Variants in SCAPER observed in about 807,000 individuals in gnomAD.
SCAPER encodes S-phase cyclin A associated protein in the ER.
A neutral mutation model predicts 182.2 loss-of-function variants in SCAPER; 98 were observed. The ratio of observed to expected loss-of-function variants is 0.54; its 90% CI spans 0.46 to 0.64. The LOEUF is 0.64. Among genes scored for constraint, SCAPER ranks in the 30% least tolerant of loss-of-function variants. SCAPER has a pLI of 0.00. For synonymous variants in SCAPER, 605 were observed against 564.6 expected, an observed-to-expected ratio of 1.07 and a Z score of -1.01; for missense variants, 1,432 against 1,690.0, an observed-to-expected ratio of 0.85 and a Z score of 2.68.
At position 76,478,144 on chromosome 15, in the gene SCAPER, C is replaced by T. The variant is rs8028566; in HGVS notation, c.2955-6809G>A. Among the ~76,000 whole-genome samples the T allele has an allele frequency of 8.2e-3, 1,240 of 151,848 alleles. 11 individuals carry two copies. Among genetic ancestry groups the T allele is most frequent in the African/African-American group, 0.028 (1,176 of 41,492 alleles). On this transcript the variant is annotated intron_variant, in intron 24 of 31. Coordinates refer to ENST00000563290, the MANE Select transcript of SCAPER (RefSeq NM_020843.4). ...ATTCACAATATAAACTTGATTTAGGCATAAGGGAAAAAGACATTTACTTTC... is the reference window on the plus strand; with the variant it reads ...ATTCACAATATAAACTTGATTTAGGTATAAGGGAAAAAGACATTTACTTTC...
chr15:76,541,603 C>G (rs1446158516), intron 23 of SCAPER, among the ~76,000 whole-genome samples: 1 of 152,192 alleles, frequency 6.6e-6, no homozygotes, highest in Non-Finnish European at 1.5e-5. Context: ...CTGCCCACTT[C>G]TATAAATGAC....
chr15:76,795,199 T>C (rs1041281333), intron 8 of SCAPER, 81 bp downstream of exon 8: 21 of 1,241,046 alleles, frequency 1.7e-5, no homozygotes, highest in South Asian at 6.8e-5. Flanking sequence ...AAAAGATAAA[T>C]AGGACCAATT....
intron 8 of SCAPER, among the ~76,000 whole-genome samples, chr15:76,780,378 C>T (rs1294098985): frequency 1.3e-5 from 2 of 152,246 alleles, no homozygotes; most frequent in Non-Finnish European, 2.9e-5. Context: ...GGCCGGGAAG[C>T]TCGAACCAGG....
Position 76,700,117 on chromosome 15 carries a change from A to G in SCAPER, c.2508+1641T>C, listed in dbSNP as rs114700441. On this transcript the variant is annotated intron_variant, in intron 20 of 31. Transcript: ENST00000563290. ...GCACTGCAAGAAGGCATGGCCAGGC[A>G]AGGACCCTGAGAGATGCCATCAGAC... Among the ~76,000 whole-genome samples the G allele has an allele frequency of 8.2e-3, 1,242 of 152,312 alleles. 13 individuals carry two copies. Among genetic ancestry groups the G allele is most frequent in the African/African-American group, 0.028 (1,178 of 41,564 alleles).
rs536787465 is a variant in SCAPER, at chr15:76,731,125, G to A, written c.2022+2104C>T. ...TCTAAATATCTGTTTAATAAATGAA[G>A]CATGACTTTATAAAATAATATACAC... On this transcript the variant is annotated intron_variant, in intron 16 of 31. Coordinates refer to ENST00000563290, the MANE Select transcript of SCAPER (RefSeq NM_020843.4). Among the ~76,000 whole-genome samples the A allele has an allele frequency of 2.6e-5, 4 of 152,228 alleles. No homozygotes were observed. In the South Asian group the frequency reaches 6.2e-4, roughly 24 times the overall value.
chr15:76,572,940 C>CACATACAT (rs2047552325), intron 23 of SCAPER, among the ~76,000 whole-genome samples: 1 of 151,496 alleles, frequency 6.6e-6, no homozygotes, highest in Admixed American at 6.6e-5. Context: ...CACACACACA[C>CACATACAT]ACACAGAGAA....
At chr15:76,428,185 A>G (rs1190036990) in intron 26 of SCAPER, among the ~76,000 whole-genome samples, 1 of 152,204 alleles carries the variant, frequency 6.6e-6, no homozygotes, top group East Asian at 1.9e-4. Flanking sequence ...GGGATTGTAA[A>G]CTAGTATAGC....
rs574207423 is a variant in SCAPER at position 76,589,059 on chromosome 15, G to C, written c.2712-14775C>G. Among the ~76,000 whole-genome samples the C allele has an allele frequency of 1.2e-4, 19 of 152,194 alleles. No individual in the cohort carries two copies. In the East Asian group the frequency reaches 3.1e-3, roughly 25 times the overall value. The stretch of plus-strand genomic sequence containing the variant: ...CTACCAGGCTCCAGGCTGGTACTGG[G>C]GGGTATCTGCACAGATATCTCTAAT... On this transcript the variant is annotated intron_variant, in intron 22 of 31. Transcript: ENST00000563290.
At chr15:76,666,588 CTTTAAA>C (rs1428812335) in intron 20 of SCAPER, among the ~76,000 whole-genome samples, 2 of 152,162 alleles carry the variant, frequency 1.3e-5, no homozygotes, top group Non-Finnish European at 2.9e-5. Flanking sequence ...TAATTACAAA[CTTTAAA>C]TTTATGAAAT....
chr15:76,415,323 T>G (rs1279403842), intron 26 of SCAPER, among the ~76,000 whole-genome samples: 1 of 152,202 alleles, frequency 6.6e-6, no homozygotes, highest in Non-Finnish European at 1.5e-5. Flanking sequence ...TGATAAAAGT[T>G]GAACATGCAT....
intron 4 of SCAPER, among the ~76,000 whole-genome samples, chr15:76,844,340 C>T (rs2069815534): frequency 6.6e-6 from 1 of 150,598 alleles, no homozygotes. Flanking sequence ...ACTCATCCCT[C>T]TCTGAGAGGC....
At position 76,519,281 on chromosome 15, in the gene SCAPER, G is replaced by T. The variant is rs543292370; in HGVS notation, c.2839-14307C>A. Among the ~76,000 whole-genome samples, 14 of 152,138 alleles carry T rather than the reference G, an allele frequency of 9.2e-5. No individual in the cohort carries two copies. In the South Asian group the frequency reaches 2.9e-3, roughly 32 times the overall value. The stretch of plus-strand genomic sequence containing the variant: ...TTATATCCTCACTACACAGGCAAGT[G>T]ATCATATAGAAAATAAATGTAAAGA... On this transcript the variant is annotated intron_variant, in intron 23 of 31. Transcript: ENST00000563290.
Position 76,361,052 on chromosome 15 carries a change from G to A in SCAPER, c.3856-6912C>T, listed in dbSNP as rs1277783341. ...AAAAAAAAAAAGGAAAGTGGAGGTG[G>A]GATAGTGAGTGATCACGAATCTGGA... On this transcript the variant is annotated intron_variant, in intron 29 of 31. Transcript: ENST00000563290. 3.2e-4 allele frequency among the ~76,000 whole-genome samples: 49 copies of A among 151,702 alleles called. 1 individual carries two copies. Among genetic ancestry groups the A allele is most frequent in the Admixed American group, 3.2e-3 (49 of 15,252 alleles).
intron 23 of SCAPER, among the ~76,000 whole-genome samples, chr15:76,511,828 A>ATT (rs1249603412): frequency 5.3e-5 from 5 of 94,768 alleles, no homozygotes; most frequent in African/African-American, 1.2e-4. Context: ...AGATACACTT[A>ATT]TTATATATAT....
chr15:76,544,741 G>T (rs956299815), intron 23 of SCAPER, among the ~76,000 whole-genome samples: 1 of 152,086 alleles, frequency 6.6e-6, no homozygotes, highest in African/African-American at 2.4e-5. Context: ...AATTGATTGT[G>T]CTGATGGTTG....
At chr15:76,841,490 T>C (rs1037453338) in intron 5 of SCAPER, among the ~76,000 whole-genome samples, 6 of 151,830 alleles carry the variant, frequency 4.0e-5, no homozygotes, top group Admixed American at 3.9e-4. Context: ...CTACTAAAAA[T>C]ACAAAAATTA....
chr15:76,739,137 C>A (rs547197454), intron 15 of SCAPER, among the ~76,000 whole-genome samples: 70 of 152,204 alleles, frequency 4.6e-4, no homozygotes, highest in Non-Finnish European at 6.2e-4. Flanking sequence ...AAGTTATATG[C>A]AAATACTATA....
rs183046432 is a variant in SCAPER, at chr15:76,630,492, C to T, written c.2646-8663G>A. Among the ~76,000 whole-genome samples, 6 of 152,132 alleles carry T rather than the reference C, an allele frequency of 3.9e-5. 1 individual carries two copies. The highest frequency in any genetic ancestry group is 4.1e-4 in the South Asian group (2 of 4,820). On this transcript the variant is annotated intron_variant, in intron 21 of 31. Coordinates refer to ENST00000563290, the MANE Select transcript of SCAPER (RefSeq NM_020843.4). ...TAGCTGTGTCCCAGAGATTCTGGCA[C>T]GTTGTCTCTTTGTTCTCATTGGTTT...
chr15:76,829,000 T>C (rs1226299336), intron 5 of SCAPER, among the ~76,000 whole-genome samples: 3 of 152,210 alleles, frequency 2.0e-5, no homozygotes, highest in African/African-American at 2.4e-5. Flanking sequence ...GGACACATCA[T>C]GCACATGCAT....
Sources: gnomAD v4.1 joint callset for allele counts (sites outside exome capture counted in the v4.1 genomes callset) on GRCh38, gnomAD v4.1.1 for gene constraint, MANE v1.5 for transcripts, NCBI Gene and HGNC (gene_info 2026-07-23, HGNC 2026-07-21) for gene names.